PTPRD: variants seen among roughly 807,000 people sequenced by gnomAD.
The protein encoded by PTPRD is receptor-type tyrosine-protein phosphatase delta.
PTPRD carries 34 observed loss-of-function variants against 214.5 expected under a neutral mutation model. That is an observed-to-expected ratio of 0.16 (90% CI 0.12 to 0.21). PTPRD has a LOEUF of 0.21. Ranked by LOEUF, PTPRD falls within the 10% of genes least tolerant of loss-of-function variation. PTPRD has a pLI of 1.00. For missense variants in PTPRD, 2,545 were observed against 2,398.7 expected (o/e 1.06, Z -1.27); for synonymous variants, 1,128 against 845.7 (o/e 1.33, Z -5.79).
chr9:8,857,988 C>G (rs1298096783), intron 11 of PTPRD: 1 of 153,298 alleles, frequency 6.5e-6, no homozygotes, highest in Non-Finnish European at 1.4e-5. Context: ...CCTCTTGGCC[C>G]TTCTGAGCCC....
chr9:10,378,425 G>C (rs556073501), intron 2 of PTPRD, among the ~76,000 whole-genome samples: 1 of 152,102 alleles, frequency 6.6e-6, no homozygotes, highest in East Asian at 1.9e-4. Flanking sequence ...ATGTTTAATT[G>C]TAGTAGTTTT....
At position 10,310,785 on chromosome 9, in the gene PTPRD, G is replaced by C. The variant is rs571509406; in HGVS notation, c.-545+30178C>G. On this transcript the variant is annotated intron_variant, in intron 3 of 45. Coordinates refer to ENST00000381196, the MANE Select transcript of PTPRD (RefSeq NM_002839.4). ...CACTGTCTTCTAATAACAGACAGCT[G>C]TAGTGAAATTTTGACAAGTCTGAAT... Among the ~76,000 whole-genome samples, 79 of 152,186 alleles carry C rather than the reference G, an allele frequency of 5.2e-4. 1 individual carries two copies. In the South Asian group the frequency reaches 0.015, roughly 29 times the overall value.
chr9:8,330,578 CAAATGTACATAGATAAAG>C (rs1037952680), intron 44 of PTPRD, among the ~76,000 whole-genome samples: 67 of 147,838 alleles, frequency 4.5e-4, no homozygotes, highest in African/African-American at 1.6e-3. Context: ...AAGTAGAAAG[CAAATGTACATAGATAAAG>C]GTTTGCTTCT....
At chr9:9,772,995 T>C (rs1264662109) in intron 5 of PTPRD, among the ~76,000 whole-genome samples, 1 of 152,204 alleles carries the variant, frequency 6.6e-6, no homozygotes, top group Non-Finnish European at 1.5e-5. Flanking sequence ...TGCCTTATCA[T>C]AGAATAAACA....
intron 33 of PTPRD, among the ~76,000 whole-genome samples, chr9:8,453,042 C>T (rs933740547): frequency 6.6e-6 from 1 of 152,152 alleles, no homozygotes. Flanking sequence ...TATGTGTCAA[C>T]TACAAATTTT....
chr9:10,437,656 A>G (rs1300291230), intron 2 of PTPRD, among the ~76,000 whole-genome samples: 1 of 151,696 alleles, frequency 6.6e-6, no homozygotes, highest in African/African-American at 2.4e-5. Context: ...TCTGTTATTG[A>G]GCAAACCTAC....
At chr9:9,812,588 T>C (rs2047476697) in intron 5 of PTPRD, among the ~76,000 whole-genome samples, 1 of 152,148 alleles carries the variant, frequency 6.6e-6, no homozygotes, top group African/African-American at 2.4e-5. Flanking sequence ...TATATAATGA[T>C]AAAGGAATCA....
rs1182389544 is a variant in PTPRD, at chr9:8,836,629, G to A, written c.-103-102683C>T. ...TTTTTTTTTTTTAAGACGGAGTCTC[G>A]CTCTGTTGCCAGGCTGGAATGCAGT... On this transcript the variant is annotated intron_variant, in intron 11 of 45. Transcript: ENST00000381196. Among the ~76,000 whole-genome samples, 34 of 111,568 alleles carry A rather than the reference G, an allele frequency of 3.0e-4. 1 individual carries two copies. The highest frequency in any genetic ancestry group is 1.1e-3 in the African/African-American group (31 of 27,702). 73.2% of individuals were successfully genotyped at this position (111,568 alleles called of 152,430 possible). A position where few individuals can be genotyped will look rare whatever the true frequency, so the allele number is the denominator to read the frequency against.
intron 2 of PTPRD, among the ~76,000 whole-genome samples, chr9:10,584,091 T>C (rs2073047776): frequency 6.6e-6 from 1 of 151,842 alleles, no homozygotes; most frequent in African/African-American, 2.4e-5. Flanking sequence ...AAGCCTGAGA[T>C]GAATGCTTGT....
At chr9:8,704,595 T>G (rs1327714464) in intron 12 of PTPRD, among the ~76,000 whole-genome samples, 1 of 152,098 alleles carries the variant, frequency 6.6e-6, no homozygotes, top group Non-Finnish European at 1.5e-5. Flanking sequence ...GTCTGTACAC[T>G]ATCAAAGCAC....
chr9:8,703,248 A>G (rs1040067966), intron 12 of PTPRD, among the ~76,000 whole-genome samples: 1 of 152,250 alleles, frequency 6.6e-6, no homozygotes, highest in Non-Finnish European at 1.5e-5. Flanking sequence ...GATAAAGTCT[A>G]GAAGCCTAGA....
At chr9:8,962,100 T>C (rs2099161638) in intron 11 of PTPRD, 1 of 152,166 alleles carries the variant, frequency 6.6e-6, no homozygotes, top group Admixed American at 6.6e-5. Flanking sequence ...TTCTTTCTAA[T>C]GCATTTAACA....
chr9:9,692,187 G>A (rs1206150568), intron 7 of PTPRD, among the ~76,000 whole-genome samples: 3 of 151,152 alleles, frequency 2.0e-5, no homozygotes, highest in African/African-American at 7.4e-5. Flanking sequence ...TATTCATGAA[G>A]AAACATTTGC....
At chr9:8,379,724 G>A (rs186696218) in intron 37 of PTPRD, among the ~76,000 whole-genome samples, 17 of 152,304 alleles carry the variant, frequency 1.1e-4, no homozygotes, top group Admixed American at 9.2e-4. Context: ...ATTGTGAGAT[G>A]AGAAATGAAG....
chr9:9,505,893 G>A (rs941690401), intron 8 of PTPRD, among the ~76,000 whole-genome samples: 2 of 151,354 alleles, frequency 1.3e-5, no homozygotes, highest in African/African-American at 2.4e-5. Flanking sequence ...CTACAGTGAC[G>A]GGACAATCAC....
At chr9:9,208,879 C>T (rs2099946683) in intron 9 of PTPRD, among the ~76,000 whole-genome samples, 1 of 151,782 alleles carries the variant, frequency 6.6e-6, no homozygotes, top group African/African-American at 2.4e-5. Context: ...GCGATCCCGG[C>T]TCACTGCAAG....
chr9:8,798,460 G>A (rs1600150905), intron 11 of PTPRD, among the ~76,000 whole-genome samples: 1 of 152,120 alleles, frequency 6.6e-6, no homozygotes, highest in Non-Finnish European at 1.5e-5. Flanking sequence ...TAAATCAGCA[G>A]AGAAGTTCTG....
intron 3 of PTPRD, among the ~76,000 whole-genome samples, chr9:10,268,011 T>C (rs2154380562): frequency 6.6e-6 from 1 of 152,002 alleles, no homozygotes; most frequent in Non-Finnish European, 1.5e-5. Context: ...CCAGGTGTGG[T>C]AGCTCATCCC....
At chr9:10,526,369 T>C (rs918652048) in intron 2 of PTPRD, among the ~76,000 whole-genome samples, 5 of 152,106 alleles carry the variant, frequency 3.3e-5, no homozygotes, top group Non-Finnish European at 5.9e-5. Flanking sequence ...GAACACATTT[T>C]TAAGTATAAT....
Sources: gnomAD v4.1 joint callset for allele counts (sites outside exome capture counted in the v4.1 genomes callset) on GRCh38, gnomAD v4.1.1 for gene constraint, MANE v1.5 for transcripts, NCBI Gene and HGNC (gene_info 2026-07-23, HGNC 2026-07-21) for gene names.